Variants in C8orf34 observed in about 807,000 individuals in gnomAD.
C8orf34 encodes the protein uncharacterized protein C8orf34.
C8orf34 carries 65 observed loss-of-function variants against 68.3 expected under a neutral mutation model. The ratio of observed to expected loss-of-function variants is 0.95; its 90% CI spans 0.78 to 1.17. The LOEUF is 1.17. C8orf34 is among the 50% of genes most tolerant of loss of function. The pLI is 0.00. For missense variants in C8orf34, 664 were observed against 655.4 expected, an observed-to-expected ratio of 1.01 and a Z score of -0.14; for synonymous variants, 244 against 241.2, an observed-to-expected ratio of 1.01 and a Z score of -0.11.
chr8:68,796,737 T>G (rs974643188), intron 12 of C8orf34, among the ~76,000 whole-genome samples: 1 of 152,012 alleles, frequency 6.6e-6, no homozygotes, highest in Non-Finnish European at 1.5e-5. Context: ...AATATTTACA[T>G]AATCCAATCA....
chr8:68,603,527 ATC>A (rs1298411421), intron 7 of C8orf34, among the ~76,000 whole-genome samples: 1 of 85,114 alleles, frequency 1.2e-5, no homozygotes, highest in East Asian at 2.7e-4. Context: ...ACATATATCT[ATC>A]TATCTATCTA....
chr8:68,510,604 G>A (rs975930463), intron 5 of C8orf34, among the ~76,000 whole-genome samples: 4 of 151,632 alleles, frequency 2.6e-5, no homozygotes, highest in African/African-American at 9.8e-5. Flanking sequence ...TTTGAAACAT[G>A]ATTTCTGTCT....
At chr8:68,463,561 A>C (rs971105370) in intron 3 of C8orf34, among the ~76,000 whole-genome samples, 3 of 152,194 alleles carry the variant, frequency 2.0e-5, no homozygotes, top group African/African-American at 7.2e-5. Context: ...TGGCAAACTG[A>C]ATCCAGCAGC....
At chr8:68,665,742 T>C (rs1819817917) in intron 8 of C8orf34, among the ~76,000 whole-genome samples, 1 of 152,202 alleles carries the variant, frequency 6.6e-6, no homozygotes. Flanking sequence ...AAGTGTCACC[T>C]CATCAGAGAG....
At chr8:68,552,858 T>C (rs1816120327) in intron 7 of C8orf34, among the ~76,000 whole-genome samples, 2 of 152,130 alleles carry the variant, frequency 1.3e-5, no homozygotes, top group Admixed American at 1.3e-4. Flanking sequence ...TGGTATCTTG[T>C]ATTAATATTT....
intron 8 of C8orf34, among the ~76,000 whole-genome samples, chr8:68,659,753 C>T (rs1819616513): frequency 6.6e-6 from 1 of 152,036 alleles, no homozygotes; most frequent in Admixed American, 6.5e-5. Flanking sequence ...AACTCTAGTT[C>T]TGCTTGATAT....
At chr8:68,803,664 T>C (rs1824398293) in intron 12 of C8orf34, among the ~76,000 whole-genome samples, 1 of 152,060 alleles carries the variant, frequency 6.6e-6, no homozygotes, top group Non-Finnish European at 1.5e-5. Flanking sequence ...AACAATTGTT[T>C]TTAAATATGC....
intron 4 of C8orf34, among the ~76,000 whole-genome samples, chr8:68,475,338 T>A (rs898320651): frequency 2.0e-5 from 3 of 152,236 alleles, no homozygotes; most frequent in African/African-American, 7.2e-5. Flanking sequence ...TCTGTTTTTA[T>A]TTATCTCCTC....
At chr8:68,455,325 A>C (rs1038154283) in intron 3 of C8orf34, among the ~76,000 whole-genome samples, 2 of 152,250 alleles carry the variant, frequency 1.3e-5, no homozygotes, top group Middle Eastern at 3.4e-3. Flanking sequence ...CCGTTATCGA[A>C]AGTGGGGATT....
intron 10 of C8orf34, among the ~76,000 whole-genome samples, chr8:68,737,302 C>G (rs895945793): frequency 6.6e-6 from 1 of 152,094 alleles, no homozygotes; most frequent in Admixed American, 6.6e-5. Flanking sequence ...TTTTCCCAGG[C>G]ATTTATCACT....
chr8:68,465,684 A>T (rs1258679200), intron 3 of C8orf34, among the ~76,000 whole-genome samples: 1 of 152,038 alleles, frequency 6.6e-6, no homozygotes, highest in African/African-American at 2.4e-5. Flanking sequence ...CATCATTCTC[A>T]GTAAACTATC....
At chr8:68,816,006 G>T in intron 13 of C8orf34, 61 bp downstream of exon 13, 2 of 1,611,844 alleles carry the variant, frequency 1.2e-6, no homozygotes, top group Non-Finnish European at 1.7e-6. Flanking sequence ...TTCTAAAACT[G>T]CTCAGGATTT....
At position 68,331,113 on chromosome 8, in the gene C8orf34, C is replaced by T. The variant is rs1377763736; in HGVS notation, c.101C>T (p.Thr34Ile). ...GCGCGCGTGGCTCCCCGGGCTGCCA[C>T]CCACGCCCGCGGCCGGGGCCGAGCC... ...PHARVAPRAATHARGRGRASH... is the reference protein window; with the variant it reads ...PHARVAPRAAIHARGRGRASH... Residue 34 changes from threonine (T) to isoleucine (I), a missense_variant, in exon 1 of 14, where the codon ACC (threonine) becomes ATC (isoleucine). Coordinates refer to ENST00000518698, the MANE Select transcript of C8orf34 (RefSeq NM_052958.4). 2 of 1,507,734 alleles carry T rather than the reference C, an allele frequency of 1.3e-6. No individual in the cohort carries two copies. Among genetic ancestry groups the T allele is most frequent in the Non-Finnish European group, 1.8e-6 (2 of 1,134,930 alleles). 93.4% of individuals were successfully genotyped at this position (1,507,734 alleles called of 1,614,324 possible).
chr8:68,579,646 G>A (rs1030629776), intron 7 of C8orf34, among the ~76,000 whole-genome samples: 2 of 152,146 alleles, frequency 1.3e-5, no homozygotes, highest in Admixed American at 6.6e-5. Context: ...AGCAGTATCA[G>A]TAGCACCTGG....
intron 8 of C8orf34, among the ~76,000 whole-genome samples, chr8:68,705,923 G>A (rs994223213): frequency 6.6e-6 from 1 of 152,170 alleles, no homozygotes; most frequent in Non-Finnish European, 1.5e-5. Context: ...GGCCTCTTGC[G>A]CTCTGCGCGT....
At chr8:68,756,943 G>A (rs1467468342) in intron 10 of C8orf34, among the ~76,000 whole-genome samples, 1 of 152,046 alleles carries the variant, frequency 6.6e-6, no homozygotes, top group African/African-American at 2.4e-5. Flanking sequence ...TGACAGATGG[G>A]TTAATAAATG....
intron 10 of C8orf34, among the ~76,000 whole-genome samples, chr8:68,768,178 T>C (rs1823234774): frequency 1.3e-5 from 2 of 152,188 alleles, no homozygotes; most frequent in Non-Finnish European, 2.9e-5. Flanking sequence ...TCATGAGAGC[T>C]CCTTCAAGTT....
Position 68,776,346 on chromosome 8 carries a change from CT to C in C8orf34, c.1405-48del. 4.3e-6 allele frequency: 6 copies of C among 1,389,504 alleles called. No individual in the cohort carries two copies. The Admixed American group carries it at 1.0e-4, about 24-fold the overall frequency. The allele number at this position is 1,389,504 out of a possible 1,614,324, so 86.1% of individuals were successfully genotyped here. Reference sequence around the variant, plus strand: ...TCCCACTCTCCACGATTCTTTCATTCTTTTTCTCTCCTTCTCCTGACCTTTT... The same window carrying C: ...TCCCACTCTCCACGATTCTTTCATTCTTTTCTCTCCTTCTCCTGACCTTTT... On this transcript the variant is annotated intron_variant, in intron 10 of 13. Transcript: ENST00000518698.
intron 7 of C8orf34, among the ~76,000 whole-genome samples, chr8:68,600,200 A>T (rs10957440): frequency 0.59 from 89,869 of 151,840 alleles, 26,831 homozygotes; most frequent in African/African-American, 0.64. Flanking sequence ...CACAGTCTAC[A>T]GGTATTGATG....
Sources: allele counts gnomAD v4.1 joint callset (sites outside exome capture counted in the v4.1 genomes callset), GRCh38; gene constraint gnomAD v4.1.1; transcripts MANE v1.5; gene names NCBI Gene and HGNC (gene_info 2026-07-23, HGNC 2026-07-21).